Variants in DCC observed in about 807,000 individuals in gnomAD.
DCC encodes the protein DCC netrin 1 receptor.
DCC carries 58 observed loss-of-function variants against 172.5 expected under a neutral mutation model. That is an observed-to-expected ratio of 0.34 (90% confidence interval 0.27 to 0.42). The LOEUF (loss-of-function observed/expected upper bound fraction) is 0.42, where lower values mean the gene tolerates loss of function less well. Ranked by LOEUF, DCC falls within the 10% of genes least tolerant of loss-of-function variation. DCC has a pLI of 1.00. For synonymous variants in DCC, 709 were observed against 644.5 expected, an observed-to-expected ratio of 1.10 and a Z score of -1.52; for missense variants, 1,740 against 1,791.0, an observed-to-expected ratio of 0.97 and a Z score of 0.51.
chr18:52,989,287 C>T (rs2041344294), intron 5 of DCC, among the ~76,000 whole-genome samples: 1 of 152,110 alleles, frequency 6.6e-6, no homozygotes, highest in Non-Finnish European at 1.5e-5. Flanking sequence ...CTTTGGGAGG[C>T]CCAGGCGGGT....
At chr18:52,611,021 G>A (rs1315444083) in intron 1 of DCC, among the ~76,000 whole-genome samples, 1 of 152,134 alleles carries the variant, frequency 6.6e-6, no homozygotes, top group African/African-American at 2.4e-5. Flanking sequence ...AGGAATGTTT[G>A]TTGCCAAAGT....
In DCC at chr18:52,769,976, C is replaced by A. The variant is rs143880838; in HGVS notation, c.412+17602C>A. Among the ~76,000 whole-genome samples the A allele has an allele frequency of 2.1e-3, 316 of 152,268 alleles. No individual in the cohort carries two copies. The East Asian group carries it at 0.021, about 10-fold the overall frequency. On this transcript the variant is annotated intron_variant, in intron 2 of 28. Coordinates refer to ENST00000442544, the MANE Select transcript of DCC (RefSeq NM_005215.4). ...AAACAGAAACTGCCATCATCTCTTG[C>A]CTGCTTCTCCTAAAACAGTCTATTA...
At chr18:52,668,231 G>A (rs567759920) in intron 1 of DCC, among the ~76,000 whole-genome samples, 1 of 152,290 alleles carries the variant, frequency 6.6e-6, no homozygotes, top group Admixed American at 6.5e-5. Context: ...ATGTGTTTGA[G>A]AATTTCAGAG....
chr18:52,349,585 G>A (rs28391137), intron 1 of DCC, among the ~76,000 whole-genome samples: 2,805 of 152,252 alleles, frequency 0.018, 73 homozygotes, highest in African/African-American at 0.065. Flanking sequence ...GTTTTCAGCA[G>A]CATATCAGTT....
intron 1 of DCC, among the ~76,000 whole-genome samples, chr18:52,632,627 T>C (rs1458448518): frequency 1.3e-5 from 2 of 152,238 alleles, no homozygotes; most frequent in African/African-American, 2.4e-5. Context: ...TCTTTTCTCC[T>C]GTTATCCTTC....
chr18:53,111,129 G>C (rs1431086256), intron 7 of DCC, among the ~76,000 whole-genome samples: 1 of 150,414 alleles, frequency 6.6e-6, no homozygotes, highest in African/African-American at 2.4e-5. Context: ...AATCATCATT[G>C]TCAGTAAGCT....
intron 5 of DCC, among the ~76,000 whole-genome samples, chr18:53,038,393 C>A (rs2042123685): frequency 6.6e-6 from 1 of 151,954 alleles, no homozygotes; most frequent in Non-Finnish European, 1.5e-5. Context: ...TTATCATCGC[C>A]TACCCTCAGG....
chr18:52,967,290 C>G (rs1165463128), intron 5 of DCC, among the ~76,000 whole-genome samples: 1 of 152,122 alleles, frequency 6.6e-6, no homozygotes, highest in African/African-American at 2.4e-5. Flanking sequence ...AACCCAAACG[C>G]CTCTGTAGAC....
At chr18:52,964,838 T>G (rs561556163) in intron 5 of DCC, among the ~76,000 whole-genome samples, 1 of 152,326 alleles carries the variant, frequency 6.6e-6, no homozygotes, top group South Asian at 2.1e-4. Flanking sequence ...AAGGCTGCAG[T>G]CTTCTAGGTG....
At chr18:52,673,112 G>A (rs2035583287) in intron 1 of DCC, among the ~76,000 whole-genome samples, 6 of 152,156 alleles carry the variant, frequency 3.9e-5, no homozygotes, top group Admixed American at 3.9e-4. Context: ...TTTGTATCTA[G>A]AGACATAATA....
intron 2 of DCC, among the ~76,000 whole-genome samples, chr18:52,783,129 CTATT>C (rs137865031): frequency 0.055 from 8,289 of 151,968 alleles, 297 homozygotes; most frequent in South Asian, 0.16. Context: ...GTCTTAGACT[CTATT>C]TATCATTTAA....
chr18:52,477,937 G>T (rs1377119904), intron 1 of DCC, among the ~76,000 whole-genome samples: 1 of 151,996 alleles, frequency 6.6e-6, no homozygotes, highest in African/African-American at 2.4e-5. Flanking sequence ...AGCCTCCTGT[G>T]TAGCTGGGAT....
chr18:53,428,805 TATTTTATATATAATAAATTATATATTATA>T (rs1911329378), intron 21 of DCC, among the ~76,000 whole-genome samples: 1 of 34,176 alleles, frequency 2.9e-5, no homozygotes, highest in South Asian at 1.3e-3. Context: ...ATATATTATA[TATTTTATATATAATAAATTATATATTATA>T]TATTTTATAT....
At chr18:52,708,669 C>T (rs1187666778) in intron 1 of DCC, among the ~76,000 whole-genome samples, 1 of 152,112 alleles carries the variant, frequency 6.6e-6, no homozygotes, top group Non-Finnish European at 1.5e-5. Flanking sequence ...TGAATAGTCT[C>T]TCACCACAAG....
chr18:52,561,557 A>C (rs1169696857), intron 1 of DCC, among the ~76,000 whole-genome samples: 1 of 152,098 alleles, frequency 6.6e-6, no homozygotes, highest in Non-Finnish European at 1.5e-5. Flanking sequence ...TTTAAATATT[A>C]TGAGTGTGCT....
intron 1 of DCC, among the ~76,000 whole-genome samples, chr18:52,657,922 C>A (rs765196960): frequency 6.6e-6 from 1 of 152,126 alleles, no homozygotes. Context: ...TACAGATGAA[C>A]CGCGTTAATC....
intron 2 of DCC, among the ~76,000 whole-genome samples, chr18:52,776,444 C>A (rs537021186): frequency 6.6e-6 from 1 of 151,954 alleles, no homozygotes; most frequent in Non-Finnish European, 1.5e-5. Flanking sequence ...AAGATCTGTT[C>A]TATTTTTAAA....
chr18:52,644,602 G>T (rs890341604), intron 1 of DCC, among the ~76,000 whole-genome samples: 1 of 149,732 alleles, frequency 6.7e-6, no homozygotes, highest in Non-Finnish European at 1.5e-5. Context: ...AAAAATTAGT[G>T]TGTAGAGTCA....
intron 22 of DCC, among the ~76,000 whole-genome samples, chr18:53,449,333 G>A (rs1390803461): frequency 1.3e-5 from 2 of 152,146 alleles, no homozygotes; most frequent in East Asian, 1.9e-4. Flanking sequence ...AGAAAGCTAC[G>A]TCAAGGGTCA....
Sources: gnomAD v4.1 joint callset for allele counts (sites outside exome capture counted in the v4.1 genomes callset) on GRCh38, gnomAD v4.1.1 for gene constraint, MANE v1.5 for transcripts, NCBI Gene and HGNC (gene_info 2026-07-23, HGNC 2026-07-21) for gene names.